The following RANBP2 variants were observed in gnomAD, a reference collection of about 807,000 sequenced individuals.
RANBP2 encodes the protein RAN binding protein 2.
A neutral mutation model predicts 303.6 loss-of-function variants in RANBP2; 57 were observed. The observed-to-expected ratio is 0.19, with a 90% CI of 0.15 to 0.23. The LOEUF is 0.23. RANBP2 is among the 10% of genes least tolerant of loss of function. The pLI, the probability that RANBP2 is intolerant of heterozygous loss-of-function variation, is 1.00. For synonymous variants in RANBP2, 1,167 were observed against 1,301.5 expected (o/e 0.90, Z 2.23); for missense variants, 3,138 against 3,780.8 (o/e 0.83, Z 4.46).
the RANBP2 span, among the ~76,000 whole-genome samples, chr2:108,845,024 G>A: frequency 6.6e-6 from 1 of 151,842 alleles, no homozygotes; most frequent in African/African-American, 2.4e-5. Context: ...GGGATTACAG[G>A]CGTGAGCCAC....
At chr2:109,544,355 C>T in the RANBP2 span, 1 of 1,553,970 alleles carries the variant, frequency 6.4e-7, no homozygotes, top group African/African-American at 1.4e-5. Flanking sequence ...TTGATTGGTA[C>T]AATTTAAAAA....
the RANBP2 span, among the ~76,000 whole-genome samples, chr2:108,795,962 A>G: frequency 6.6e-6 from 1 of 152,252 alleles, no homozygotes; most frequent in Non-Finnish European, 1.5e-5. Flanking sequence ...GGATGTATCT[A>G]TCATTTGTAG....
chr2:109,550,916 T>C, the RANBP2 span, among the ~76,000 whole-genome samples: 1 of 152,216 alleles, frequency 6.6e-6, no homozygotes, highest in African/African-American at 2.4e-5. Flanking sequence ...GGGGCATAAA[T>C]GTTAAATGAA....
the RANBP2 span, among the ~76,000 whole-genome samples, chr2:109,641,133 ATTTGTTTG>A: frequency 2.6e-5 from 4 of 151,052 alleles, no homozygotes; most frequent in African/African-American, 7.3e-5. Context: ...GGTTTTATTT[ATTTGTTTG>A]TTTGTTTGTT....
the RANBP2 span, among the ~76,000 whole-genome samples, chr2:109,111,865 G>A: frequency 1.4e-5 from 2 of 146,624 alleles, no homozygotes; most frequent in Non-Finnish European, 3.0e-5. Flanking sequence ...TCCCACCTAT[G>A]AGTGAGAATA....
chr2:109,713,376 G>T, the RANBP2 span, among the ~76,000 whole-genome samples: 1 of 152,114 alleles, frequency 6.6e-6, no homozygotes, highest in Non-Finnish European at 1.5e-5. Flanking sequence ...ACAAAGGACA[G>T]CCTTGATTAG....
chr2:109,556,239 C>T, the RANBP2 span, among the ~76,000 whole-genome samples: 6 of 152,276 alleles, frequency 3.9e-5, no homozygotes, highest in East Asian at 1.2e-3. Context: ...ACACTGAGCC[C>T]TTCCATTTGG....
At chr2:109,096,874 T>C in the RANBP2 span, among the ~76,000 whole-genome samples, 1 of 151,466 alleles carries the variant, frequency 6.6e-6, no homozygotes. Flanking sequence ...GCTCATATGA[T>C]CTTGTGGCCC....
the RANBP2 span, among the ~76,000 whole-genome samples, chr2:109,224,777 A>C: frequency 2.0e-5 from 3 of 152,194 alleles, no homozygotes; most frequent in Non-Finnish European, 2.9e-5. Flanking sequence ...GAATCGCTTG[A>C]AACCTGGAGA....
At chr2:109,743,573 G>A in the RANBP2 span, among the ~76,000 whole-genome samples, 1 of 142,646 alleles carries the variant, frequency 7.0e-6, no homozygotes, top group African/African-American at 2.6e-5. Context: ...AGATATATCT[G>A]ATAAAGGACT....
chr2:109,405,060 C>G, the RANBP2 span, among the ~76,000 whole-genome samples: 1 of 151,484 alleles, frequency 6.6e-6, no homozygotes, highest in South Asian at 2.1e-4. Context: ...CACAAATACC[C>G]CCCACCTTCT....
At chr2:109,724,197 A>G in the RANBP2 span, among the ~76,000 whole-genome samples, 230 of 152,356 alleles carry the variant, frequency 1.5e-3, 2 homozygotes, top group Non-Finnish European at 2.3e-3. Flanking sequence ...GAAGTCAGGT[A>G]GCATGATGCC....
chr2:109,398,570 C>T, the RANBP2 span: 26 of 1,530,968 alleles, frequency 1.7e-5, no homozygotes, highest in South Asian at 2.4e-5. Flanking sequence ...GCAGCCTCCC[C>T]TCTCCCCTTT....
the RANBP2 span, chr2:109,545,460 C>A: frequency 6.5e-7 from 1 of 1,536,026 alleles, no homozygotes; most frequent in Non-Finnish European, 8.7e-7. Flanking sequence ...CCCTCTCTAC[C>A]TTTCTCTGCG....
chr2:108,792,772 C>T, the RANBP2 span, among the ~76,000 whole-genome samples: 1 of 152,140 alleles, frequency 6.6e-6, no homozygotes, highest in Non-Finnish European at 1.5e-5. Context: ...AAGTTAAAAC[C>T]ACTGAGCGTC....
At chr2:108,854,027 T>C in the RANBP2 span, among the ~76,000 whole-genome samples, 1 of 108,644 alleles carries the variant, frequency 9.2e-6, no homozygotes, top group African/African-American at 3.7e-5. Flanking sequence ...AATAAATTTA[T>C]ATTATATATA....
the RANBP2 span, among the ~76,000 whole-genome samples, chr2:108,857,478 A>G: frequency 2.0e-5 from 3 of 152,194 alleles, no homozygotes; most frequent in East Asian, 5.8e-4. Context: ...GCTAAACACA[A>G]GTAGAACTGA....
chr2:109,024,593 T>C, the RANBP2 span, among the ~76,000 whole-genome samples: 1 of 152,176 alleles, frequency 6.6e-6, no homozygotes, highest in Admixed American at 6.5e-5. Context: ...TGCCTGAACC[T>C]GGAGGTGACG....
the RANBP2 span, chr2:109,618,748 C>T: frequency 1.2e-5 from 2 of 166,934 alleles, no homozygotes; most frequent in African/African-American, 4.8e-5. Context: ...TTAAAAAACC[C>T]AAGTATGTCC....
Sources: gnomAD v4.1 joint callset for allele counts (sites outside exome capture counted in the v4.1 genomes callset) on GRCh38, gnomAD v4.1.1 for gene constraint, MANE v1.5 for transcripts, NCBI Gene and HGNC (gene_info 2026-07-23, HGNC 2026-07-21) for gene names.